The following SYN3 variants were observed in gnomAD, a reference collection of about 807,000 sequenced individuals.
SYN3 encodes synapsin III, also known as synapsin-3.
In SYN3, 35 loss-of-function variants were observed where a neutral mutation model predicts 65.8. The ratio of observed to expected loss-of-function variants is 0.53; its 90% confidence interval spans 0.41 to 0.70. The LOEUF is 0.70. Ranked by LOEUF, SYN3 falls within the 30% of genes least tolerant of loss-of-function variation. The pLI is 0.00. For missense variants in SYN3, 680 were observed against 749.0 expected, an observed-to-expected ratio of 0.91 and a Z score of 1.08; for synonymous variants, 270 against 292.9, an observed-to-expected ratio of 0.92 and a Z score of 0.80.
intron 3 of SYN3, among the ~76,000 whole-genome samples, chr22:32,951,832 T>C (rs2051299650): frequency 6.6e-6 from 1 of 152,176 alleles, no homozygotes; most frequent in Non-Finnish European, 1.5e-5. Flanking sequence ...GCCCTTGTCT[T>C]TCACCTTCCC....
At chr22:32,929,060 A>G (rs2050557352) in intron 4 of SYN3, among the ~76,000 whole-genome samples, 1 of 152,028 alleles carries the variant, frequency 6.6e-6, no homozygotes, top group Admixed American at 6.6e-5. Context: ...AGGCCGGGGG[A>G]TCTCCTCAGG....
chr22:32,675,085 G>A (rs2060421514), intron 6 of SYN3, among the ~76,000 whole-genome samples: 1 of 152,160 alleles, frequency 6.6e-6, no homozygotes, highest in African/African-American at 2.4e-5. Flanking sequence ...TTGTTTCATG[G>A]AAGAAACAAA....
In SYN3 at chr22:32,984,022, G is replaced by A. The variant is rs146981849; in HGVS notation, c.312-3320C>T. Among the ~76,000 whole-genome samples, 550 of 151,908 alleles carry A rather than the reference G, an allele frequency of 3.6e-3. 3 individuals are homozygous for A. Among genetic ancestry groups the A allele is most frequent in the African/African-American group, 0.013 (525 of 41,462 alleles). On this transcript the variant is annotated intron_variant, in intron 2 of 13. Transcript: ENST00000358763. ...AAAATACAAACAATTAGCCAGGAGT[G>A]GTGGTGGGCGCCTGTAATTCCAGCT...
At chr22:32,857,198 C>G in intron 6 of SYN3, 1 of 1,388,800 alleles carries the variant, frequency 7.2e-7, no homozygotes, top group South Asian at 1.2e-5. Context: ...AGGGATCATA[C>G]GGGTGTCCAA....
At chr22:32,838,832 C>T (rs1221459090) in intron 6 of SYN3, among the ~76,000 whole-genome samples, 2 of 151,844 alleles carry the variant, frequency 1.3e-5, no homozygotes, top group African/African-American at 4.8e-5. Flanking sequence ...TTTTGGGAAC[C>T]CTGGCCACAA....
chr22:32,641,607 C>CAAAAAAAAAAAAAA lies in SYN3; in HGVS notation c.712-44885_712-44872dup, dbSNP rs34461957. Among the ~76,000 whole-genome samples, 2 of 67,954 alleles carry CAAAAAAAAAAAAAA rather than the reference C, an allele frequency of 2.9e-5. 1 individual carries two copies. The highest frequency in any genetic ancestry group is 5.3e-5 in the Non-Finnish European group (2 of 37,808). The allele number at this position is 67,954 out of a possible 152,430, so 44.6% of individuals were successfully genotyped here. ...TGGGCGACAGAGCAAGACTCCATCT[C>CAAAAAAAAAAAAAA]AAAAAAAAAAAAAAAAAAAAAAATT... is the stretch of plus-strand genomic sequence containing the variant. On this transcript the variant is annotated intron_variant, in intron 6 of 13. Transcript: ENST00000358763.
chr22:32,957,129 C>A (rs1017247634), intron 3 of SYN3, among the ~76,000 whole-genome samples: 1 of 152,170 alleles, frequency 6.6e-6, no homozygotes, highest in East Asian at 1.9e-4. Flanking sequence ...GTTTTCTACC[C>A]ACAGAGGGGC....
intron 7 of SYN3, among the ~76,000 whole-genome samples, chr22:32,552,145 T>G (rs1470739404): frequency 6.6e-6 from 1 of 151,800 alleles, no homozygotes; most frequent in East Asian, 1.9e-4. Context: ...ACTTGGGAGG[T>G]TGAGGCGGAA....
At chr22:32,574,697 C>G (rs2058827313) in intron 7 of SYN3, among the ~76,000 whole-genome samples, 1 of 152,216 alleles carries the variant, frequency 6.6e-6, no homozygotes, top group African/African-American at 2.4e-5. Context: ...GGTACTCCCT[C>G]TGCCTGCAAA....
intron 3 of SYN3, among the ~76,000 whole-genome samples, chr22:32,947,796 C>T (rs1482405926): frequency 6.6e-6 from 1 of 152,176 alleles, no homozygotes; most frequent in African/African-American, 2.4e-5. Context: ...TCAAACAACA[C>T]AAACTTATTA....
In SYN3 at chr22:32,781,503, G is replaced by C. The variant is rs116202349; in HGVS notation, c.711+83412C>G. Among the ~76,000 whole-genome samples the C allele has an allele frequency of 2.5e-3, 386 of 152,118 alleles. 1 individual carries two copies. Among genetic ancestry groups the C allele is most frequent in the African/African-American group, 8.9e-3 (371 of 41,478 alleles). On this transcript the variant is annotated intron_variant, in intron 6 of 13. Transcript: ENST00000358763. Reference sequence around the variant, plus strand: ...TTCAGTTTTCCCCACCTATAAATTGGCATTACGATAATGCACTTACCCCAC... The same window carrying C: ...TTCAGTTTTCCCCACCTATAAATTGCCATTACGATAATGCACTTACCCCAC...
intron 6 of SYN3, among the ~76,000 whole-genome samples, chr22:32,662,011 C>T (rs1286282614): frequency 1.3e-5 from 2 of 152,304 alleles, no homozygotes; most frequent in East Asian, 3.9e-4. Flanking sequence ...ATAAATCTCT[C>T]CATTGTCCCT....
At chr22:32,790,690 G>A (rs1433780722) in intron 6 of SYN3, among the ~76,000 whole-genome samples, 1 of 152,174 alleles carries the variant, frequency 6.6e-6, no homozygotes, top group Non-Finnish European at 1.5e-5. Flanking sequence ...GCCTCTCAAA[G>A]TGATGGGATT....
chr22:32,898,829 G>A (rs969268673), intron 4 of SYN3, among the ~76,000 whole-genome samples: 4 of 152,188 alleles, frequency 2.6e-5, no homozygotes, highest in Admixed American at 6.5e-5. Flanking sequence ...TGGGCTGGGC[G>A]CGGTGGCTCA....
intron 3 of SYN3, among the ~76,000 whole-genome samples, chr22:32,954,836 G>A (rs2051398126): frequency 6.7e-6 from 1 of 149,588 alleles, no homozygotes; most frequent in South Asian, 2.1e-4. Flanking sequence ...TTATATTTCT[G>A]TAAATGTTTT....
intron 4 of SYN3, among the ~76,000 whole-genome samples, chr22:32,922,311 T>C (rs1336989515): frequency 6.6e-6 from 1 of 152,214 alleles, no homozygotes; most frequent in Non-Finnish European, 1.5e-5. Flanking sequence ...TGGATGTCAT[T>C]ACCCCATCCA....
chr22:32,716,668 C>T (rs2061042772), intron 6 of SYN3, among the ~76,000 whole-genome samples: 1 of 151,632 alleles, frequency 6.6e-6, no homozygotes, highest in South Asian at 2.1e-4. Flanking sequence ...GTGGCTGGAA[C>T]TACAGGTGCA....
chr22:32,791,835 T>A (rs1473978856), intron 6 of SYN3, among the ~76,000 whole-genome samples: 5 of 152,146 alleles, frequency 3.3e-5, no homozygotes, highest in Non-Finnish European at 7.3e-5. Flanking sequence ...GAATACCTGG[T>A]ACCCAGTAGG....
intron 7 of SYN3, among the ~76,000 whole-genome samples, chr22:32,546,199 T>C (rs2058333797): frequency 6.6e-6 from 1 of 152,234 alleles, no homozygotes; most frequent in African/African-American, 2.4e-5. Context: ...CCCATTAGAC[T>C]GTGAGCTTCT....
Sources: gnomAD v4.1 joint callset for allele counts (sites outside exome capture counted in the v4.1 genomes callset) on GRCh38, gnomAD v4.1.1 for gene constraint, MANE v1.5 for transcripts, NCBI Gene and HGNC (gene_info 2026-07-23, HGNC 2026-07-21) for gene names.